Variants in PRAMEF1 observed in about 807,000 individuals in gnomAD.
PRAMEF1 encodes the protein PRAME family member 1.
PRAMEF1 carries 21 observed loss-of-function variants against 38.2 expected under a neutral mutation model. The observed-to-expected ratio is 0.55, with a 90% CI of 0.39 to 0.79. The LOEUF is 0.79. Ranked by LOEUF, PRAMEF1 falls within the 30% of genes least tolerant of loss-of-function variation. The pLI, the probability that PRAMEF1 is intolerant of heterozygous loss-of-function variation, is 0.00. For missense variants in PRAMEF1, 497 were observed against 565.8 expected (o/e 0.88, Z 1.23); for synonymous variants, 200 against 229.0 (o/e 0.87, Z 1.14).
rs967686666 is a variant in PRAMEF1, at chr1:12,791,816, A to T, written c.-26+342A>T. ...GACTTGGTGTTATTGTGATTCTCCA[A>T]GTATGCTTTCATTTTCATAAAATCC... On this transcript the variant is annotated intron_variant, in intron 1 of 3. Coordinates refer to ENST00000332296, the MANE Select transcript of PRAMEF1 (RefSeq NM_023013.4). 2.0e-5 allele frequency among the ~76,000 whole-genome samples: 3 copies of T among 151,426 alleles called. 1 individual carries two copies. The highest frequency in any genetic ancestry group is 4.4e-5 in the Non-Finnish European group (3 of 67,800).
At chr1:12,792,994 A>G (rs1639320696) in intron 1 of PRAMEF1, among the ~76,000 whole-genome samples, 1 of 151,040 alleles carries the variant, frequency 6.6e-6, no homozygotes, top group Non-Finnish European at 1.5e-5. Flanking sequence ...ATTTTTCTTC[A>G]AAGAGGTAGA....
Position 12,793,920 on chromosome 1 carries a change from G to T in PRAMEF1, c.293G>T (p.Trp98Leu). The T allele has an allele frequency of 6.2e-7, 1 of 1,608,952 alleles. No individual in the cohort carries two copies. The change falls in exon 3 of 4, where the codon TGG becomes TTG. Residue 98 changes from tryptophan to leucine, a missense_variant. Coordinates refer to ENST00000332296, the MANE Select transcript of PRAMEF1 (RefSeq NM_023013.4). ...LLTQKDRPRR[W>L]KLQVLDLRDV... is the part of the protein sequence containing the mutation. ...CTCCCTTACTTTACCCACAGGAGGT[G>T]GAAACTTCAAGTGCTGGATTTGCGG...
At position 12,795,770 on chromosome 1, in the gene PRAMEF1, A is replaced by C. The variant is rs763456539; in HGVS notation, c.1199A>C (p.His400Pro). The C allele has an allele frequency of 1.2e-6, 2 of 1,611,152 alleles. No homozygotes were observed. Among genetic ancestry groups the C allele is most frequent in the East Asian group, 2.2e-5 (1 of 44,808 alleles). ...SIDALKDLLR[H>P]TSGLSKLSLE... ...GACGCCCTGAAGGACCTGCTGCGCC[A>C]CACCAGTGGGCTGAGCAAGTTAAGC... is the stretch of plus-strand genomic sequence containing the variant. The change falls in exon 4 of 4, where the codon CAC (histidine) becomes CCC (proline). Residue 400 changes from histidine to proline, a missense_variant. By Grantham distance (77) the His-to-Pro change is moderately conservative (BLOSUM62 -2). This residue lies in a region of PRAMEF1 where 470 missense variants were observed against 501.9 expected (regional missense o/e 0.94). Transcript: ENST00000332296.
chr1:12,793,096 G>T, intron 1 of PRAMEF1, 107 bp from the exon 2 acceptor site: 1 of 1,430,634 alleles, frequency 7.0e-7, no homozygotes, highest in Non-Finnish European at 9.5e-7. Context: ...TGGTCTCCAT[G>T]ACCCCTCCCT....
rs1639340216 is a variant in PRAMEF1 at position 12,793,918 on chromosome 1, G to A, written c.291G>A (p.Arg97=). ...MLLTQKDRPR[R]WKLQVLDLRD... ...CTCTCCCTTACTTTACCCACAGGAG[G>A]TGGAAACTTCAAGTGCTGGATTTGC... is the stretch of plus-strand genomic sequence containing the variant. Residue 97 remains arginine, a synonymous_variant, in exon 3 of 4, where the codon AGG becomes AGA. Transcript: ENST00000332296. The A allele has an allele frequency of 1.9e-6, 3 of 1,608,948 alleles. No homozygotes were observed. The highest frequency in any genetic ancestry group is 2.3e-4 in the Middle Eastern group (1 of 4,424).
At chr1:12,792,925 C>G (rs1241367919) in intron 1 of PRAMEF1, among the ~76,000 whole-genome samples, 1 of 150,962 alleles carries the variant, frequency 6.6e-6, no homozygotes, top group Non-Finnish European at 1.5e-5. Context: ...AGAATGGAGG[C>G]TGTCTGGGGC....
At position 12,796,224 on chromosome 1, in the gene PRAMEF1, G is replaced by T. The variant is rs987319878; in HGVS notation, c.*228G>T. On this transcript the variant is annotated 3_prime_UTR_variant, in exon 4 of 4. Transcript: ENST00000332296. ...GATCCTCCTGCCTCAGCTTCCTAAA[G>T]TGCTGGGATTACTGGCATGAGTGAC... 13 of 735,550 alleles carry T rather than the reference G, an allele frequency of 1.8e-5. 1 individual carries two copies. The African/African-American group carries it at 2.3e-4, about 13-fold the overall frequency. The allele number at this position is 735,550 out of a possible 1,614,324, so 45.6% of individuals were successfully genotyped here. A position where few individuals can be genotyped will look rare whatever the true frequency, so the allele number is the denominator to read the frequency against.
In PRAMEF1 at chr1:12,796,153, G is replaced by A; in HGVS notation, c.*157G>A. 7.6e-7 allele frequency: 1 copy of A among 1,309,306 alleles called. No homozygotes were observed. Among genetic ancestry groups the A allele is most frequent in the Non-Finnish European group, 1.0e-6 (1 of 978,890 alleles). The allele number at this position is 1,309,306 out of a possible 1,614,324, so 81.1% of individuals were successfully genotyped here. A position where few individuals can be genotyped will look rare whatever the true frequency, so the allele number is the denominator to read the frequency against. On this transcript the variant is annotated 3_prime_UTR_variant, in exon 4 of 4. Transcript: ENST00000332296. ...TTTATTAAAGACAATTTGAGACAGG[G>A]TTTCGCTGTGTTGCTCCAGCTGGTC...
intron 1 of PRAMEF1, among the ~76,000 whole-genome samples, chr1:12,791,914 G>A (rs973998214): frequency 6.6e-6 from 1 of 151,018 alleles, no homozygotes; most frequent in Non-Finnish European, 1.5e-5. Flanking sequence ...TTGCCCCTAG[G>A]ATCTGTCCAA....
At chr1:12,794,673 C>G in intron 3 of PRAMEF1, 180 bp downstream of exon 3, 1 of 1,459,576 alleles carries the variant, frequency 6.9e-7, no homozygotes. Context: ...ATCACAGGAT[C>G]GCTCCAATAA....
chr1:12,792,068 G>A (rs1639303641), intron 1 of PRAMEF1, among the ~76,000 whole-genome samples: 1 of 150,962 alleles, frequency 6.6e-6, no homozygotes, highest in African/African-American at 2.4e-5. Flanking sequence ...TGTTGCCCAG[G>A]CTGCAGTGCC....
rs1192643506 is a variant in PRAMEF1, at chr1:12,796,287, C to A, written c.*291C>A. On this transcript the variant is annotated 3_prime_UTR_variant, in exon 4 of 4. Transcript: ENST00000332296. ...ACATGCAACTTAAAGGAAGCACAGG[C>A]AAGTGTTCAGTGTGAGGGAAAAAAC... The A allele has an allele frequency of 5.9e-6, 3 of 505,288 alleles. No individual in the cohort carries two copies. Among genetic ancestry groups the A allele is most frequent in the Non-Finnish European group, 9.9e-6 (3 of 301,924 alleles). The allele number at this position is 505,288 out of a possible 1,614,324, so 31.3% of individuals were successfully genotyped here.
intron 1 of PRAMEF1, among the ~76,000 whole-genome samples, chr1:12,792,749 G>A (rs4026144): frequency 1.3e-5 from 2 of 150,362 alleles, no homozygotes; most frequent in African/African-American, 2.4e-5. Flanking sequence ...CTCAAATTAC[G>A]GACCTCAAGT....
chr1:12,791,714 A>G (rs572113021), intron 1 of PRAMEF1, among the ~76,000 whole-genome samples: 69 of 151,500 alleles, frequency 4.6e-4, no homozygotes, highest in African/African-American at 1.5e-3. Context: ...AATATATTAA[A>G]AATTTACAGT....
At position 12,794,423 on chromosome 1, in the gene PRAMEF1, C is replaced by A. The variant is rs753121639; in HGVS notation, c.796C>A (p.Leu266Met). 1 of 1,610,600 alleles carries A rather than the reference C, an allele frequency of 6.2e-7. No individual in the cohort carries two copies. The highest frequency in any genetic ancestry group is 8.5e-7 in the Non-Finnish European group (1 of 1,177,988). Residue 266 changes from leucine to methionine, a missense_variant, in exon 3 of 4, where the codon CTG becomes ATG. Around this residue, in one of 2 missense-constraint regions of PRAMEF1, gnomAD observed 470 missense variants for 501.9 expected, o/e 0.94. Transcript: ENST00000332296. ...VAKFSSVFLR[L>M]EHLQLLKIKL... The stretch of plus-strand genomic sequence containing the variant: ...CAAATTCAGCTCTGTGTTCCTCAGG[C>A]TGGAACACCTTCAGTTGCTTAAAAT...
At position 12,795,735 on chromosome 1, in the gene PRAMEF1, C is replaced by T. The variant is rs78124722; in HGVS notation, c.1164C>T (p.Cys388=). The T allele has an allele frequency of 3.1e-6, 5 of 1,611,376 alleles. No individual in the cohort carries two copies. The highest frequency in any genetic ancestry group is 2.7e-5 in the African/African-American group (2 of 74,732). ...CCACCTTCTACTTTGGCAGAAATTG[C>T]ATGTCTATTGACGCCCTGAAGGACC... The part of the protein sequence containing the change: ...QLTTFYFGRN[C]MSIDALKDLL... Residue 388 remains cysteine (C), a synonymous_variant, in exon 4 of 4, where the codon TGC becomes TGT. Coordinates refer to ENST00000332296, the MANE Select transcript of PRAMEF1 (RefSeq NM_023013.4).
chr1:12,793,740 G>C (rs1639337102), intron 2 of PRAMEF1, among the ~76,000 whole-genome samples, 175 bp from the exon 3 acceptor site: 1 of 151,402 alleles, frequency 6.6e-6, no homozygotes, highest in African/African-American at 2.4e-5. Context: ...GGAAGGTAAA[G>C]GGAATAGAAG....
chr1:12,794,252 G>T lies in PRAMEF1; in HGVS notation c.625G>T (p.Glu209Ter), dbSNP rs201717831. 33 of 1,611,686 alleles carry T rather than the reference G, an allele frequency of 2.0e-5. 1 individual carries two copies. Among genetic ancestry groups the T allele is most frequent in the Non-Finnish European group, 2.6e-5 (31 of 1,178,666 alleles). ...AATAATATACCTGAATAGTATTCAA[G>T]AGCTGGAAATTCGCAACATGTCCTG... ...LKIIYLNSIQ[E>*]LEIRNMSWPR... The change falls in exon 3 of 4, where the codon GAG becomes TAG. Residue 209 changes from glutamate to a stop codon, truncating the protein, a stop_gained. Transcript: ENST00000332296. LOFTEE classifies it high-confidence loss of function.
At chr1:12,793,536 G>T in intron 2 of PRAMEF1, 22 bp downstream of exon 2, 2 of 1,600,392 alleles carry the variant, frequency 1.2e-6, no homozygotes, top group Non-Finnish European at 1.7e-6. Context: ...CAGGAGGGCT[G>T]GTAGATAGGG....
Sources: allele counts gnomAD v4.1 joint callset (sites outside exome capture counted in the v4.1 genomes callset), GRCh38; gene constraint gnomAD v4.1.1; regional missense constraint gnomAD v4.1.1; transcripts MANE v1.5; gene names NCBI Gene and HGNC (gene_info 2026-07-23, HGNC 2026-07-21).